FBLN7: variants seen among roughly 807,000 people sequenced by gnomAD.
FBLN7 encodes the protein fibulin 7, also known as fibulin-7.
FBLN7 carries 31 observed loss-of-function variants against 44.0 expected under a neutral mutation model. The ratio of observed to expected loss-of-function variants is 0.70; its 90% CI spans 0.53 to 0.95. The LOEUF (loss-of-function observed/expected upper bound fraction) is 0.95. Among genes scored for constraint, FBLN7 ranks in the 40% least tolerant of loss-of-function variants. The probability of loss-of-function intolerance (pLI) is 0.00; values close to 1 mark genes in which losing one functional copy is unlikely to be tolerated. For synonymous variants in FBLN7, 262 were observed against 253.4 expected, an observed-to-expected ratio of 1.03 and a Z score of -0.32; for missense variants, 573 against 618.5, an observed-to-expected ratio of 0.93 and a Z score of 0.78.
At chr2:112,162,004 A>T (rs1253069634) in intron 2 of FBLN7, among the ~76,000 whole-genome samples, 1 of 152,160 alleles carries the variant, frequency 6.6e-6, no homozygotes. Context: ...CAAATGGCAC[A>T]TAGTGGGAAA....
chr2:112,166,459 G>A (rs1682162760), intron 3 of FBLN7, among the ~76,000 whole-genome samples: 1 of 152,164 alleles, frequency 6.6e-6, no homozygotes, highest in Non-Finnish European at 1.5e-5. Flanking sequence ...AGGGAAACCA[G>A]AATCACATTT....
intron 1 of FBLN7, chr2:112,151,465 G>A (rs1348823076): frequency 6.6e-6 from 1 of 152,120 alleles, no homozygotes; most frequent in Non-Finnish European, 1.5e-5. Context: ...CGTAAAATCT[G>A]TATTTCCCAA....
intron 2 of FBLN7, among the ~76,000 whole-genome samples, 187 bp downstream of exon 2, chr2:112,160,022 G>C (rs564040297): frequency 2.0e-5 from 3 of 149,942 alleles, no homozygotes; most frequent in Non-Finnish European, 4.4e-5. Flanking sequence ...ACGGAGTCTC[G>C]CTCTGTCGCC....
At chr2:112,179,121 TAAAC>T (rs1682864239) in intron 4 of FBLN7, among the ~76,000 whole-genome samples, 1 of 152,192 alleles carries the variant, frequency 6.6e-6, no homozygotes, top group South Asian at 2.1e-4. Context: ...CTTCAACTGA[TAAAC>T]AACTTCAGCA....
At chr2:112,216,853 T>C in the FBLN7 span, among the ~76,000 whole-genome samples, 2 of 151,102 alleles carry the variant, frequency 1.3e-5, no homozygotes, top group Non-Finnish European at 2.9e-5. Context: ...AAAAATGAGA[T>C]GAAGAAAGAA....
chr2:112,185,393 G>A, intron 7 of FBLN7, 54 bp downstream of exon 7: 2 of 1,587,510 alleles, frequency 1.3e-6, no homozygotes, highest in Non-Finnish European at 8.6e-7. Context: ...GTGTGGCTGG[G>A]CTGGATGCTT....
the FBLN7 span, among the ~76,000 whole-genome samples, chr2:112,217,886 G>C: frequency 1.3e-5 from 2 of 152,060 alleles, no homozygotes; most frequent in South Asian, 2.1e-4. Flanking sequence ...TTGTTTCTTT[G>C]TTTGGGTTTG....
chr2:112,223,401 A>T, the FBLN7 span, among the ~76,000 whole-genome samples: 3 of 152,166 alleles, frequency 2.0e-5, no homozygotes. Flanking sequence ...GAATAAAATA[A>T]ATAAAGCCAT....
chr2:112,183,238 G>A (rs559666536), intron 6 of FBLN7, among the ~76,000 whole-genome samples: 5 of 152,356 alleles, frequency 3.3e-5, no homozygotes, highest in African/African-American at 1.2e-4. Flanking sequence ...CTAGGGCTGG[G>A]CCTAAAGGCA....
At chr2:112,221,927 A>G in the FBLN7 span, among the ~76,000 whole-genome samples, 1 of 152,200 alleles carries the variant, frequency 6.6e-6, no homozygotes, top group African/African-American at 2.4e-5. Context: ...TTTGGAGGTA[A>G]GAAGGCACTC....
At chr2:112,144,172 CT>C (rs1159277662) in intron 1 of FBLN7, among the ~76,000 whole-genome samples, 1 of 152,174 alleles carries the variant, frequency 6.6e-6, no homozygotes, top group African/African-American at 2.4e-5. Flanking sequence ...AAATATAGCT[CT>C]CCTACGCGTG....
chr2:112,194,194 C>T, the FBLN7 span, among the ~76,000 whole-genome samples: 3 of 152,180 alleles, frequency 2.0e-5, no homozygotes, highest in South Asian at 6.2e-4. Flanking sequence ...CCCTTGGGCT[C>T]TCCATGTGGC....
the FBLN7 span, among the ~76,000 whole-genome samples, chr2:112,201,578 C>T: frequency 2.6e-5 from 4 of 152,168 alleles, no homozygotes; most frequent in African/African-American, 9.6e-5. Flanking sequence ...GAACACAGCC[C>T]TCCAGAACTG....
In FBLN7 at chr2:112,155,853, C is replaced by T. The variant is rs577890913; in HGVS notation, c.76-3823C>T. ...ACCCTGTCCCTCCACACACACTCCC[C>T]TGCTTCCTTTACTTCCTGGAGCCCC... On this transcript the variant is annotated intron_variant, in intron 1 of 7. Transcript: ENST00000331203. Among the ~76,000 whole-genome samples the T allele has an allele frequency of 1.3e-3, 195 of 152,348 alleles. 1 individual carries two copies. Among genetic ancestry groups the T allele is most frequent in the African/African-American group, 4.0e-3 (167 of 41,588 alleles).
In FBLN7 at chr2:112,144,148, AT is replaced by A. The variant is rs1156847853; in HGVS notation, c.75+5419del. 5.9e-5 allele frequency among the ~76,000 whole-genome samples: 9 copies of A among 152,324 alleles called. No homozygotes were observed. In the East Asian group the frequency reaches 1.7e-3, roughly 29 times the overall value. On this transcript the variant is annotated intron_variant, in intron 1 of 7. Coordinates refer to ENST00000331203, the MANE Select transcript of FBLN7 (RefSeq NM_153214.3). ...ATATAGTAATTCTTGATCGCTGAAAATGTCAAATCCTAGAAATATAGCTCTC... is the reference window on the plus strand; with the variant it reads ...ATATAGTAATTCTTGATCGCTGAAAAGTCAAATCCTAGAAATATAGCTCTC...
the FBLN7 span, among the ~76,000 whole-genome samples, chr2:112,226,588 T>TAAAAAAA: frequency 9.2e-5 from 1 of 10,812 alleles, no homozygotes. Context: ...AGACTCCATC[T>TAAAAAAA]CAAAAAAAAA....
At position 112,138,607 on chromosome 2, in the gene FBLN7, G is replaced by A. The variant is rs1172505942; in HGVS notation, c.-49G>A. On this transcript the variant is annotated 5_prime_UTR_variant, in exon 1 of 8. Transcript: ENST00000331203. ...GCATCGCTGGGACAAACTCGGCAGC[G>A]GAGGCAAAGTTATTTCCCCTCCCAG... 2.5e-6 allele frequency: 4 copies of A among 1,601,624 alleles called. No homozygotes were observed. The highest frequency in any genetic ancestry group is 1.3e-5 in the African/African-American group (1 of 74,384).
the FBLN7 span, chr2:112,238,572 T>C: frequency 6.7e-7 from 1 of 1,499,112 alleles, no homozygotes; most frequent in Non-Finnish European, 9.0e-7. Context: ...CTAGCATGAT[T>C]CAAAACAATC....
chr2:112,197,018 C>A, the FBLN7 span, among the ~76,000 whole-genome samples: 1 of 151,936 alleles, frequency 6.6e-6, no homozygotes, highest in Non-Finnish European at 1.5e-5. Flanking sequence ...AGACCTGCCC[C>A]CATGATTCAG....
Sources: gnomAD v4.1 joint callset for allele counts (sites outside exome capture counted in the v4.1 genomes callset) on GRCh38, gnomAD v4.1.1 for gene constraint, MANE v1.5 for transcripts, NCBI Gene and HGNC (gene_info 2026-07-23, HGNC 2026-07-21) for gene names.